The following EVL variants were observed in gnomAD, a reference collection of about 807,000 sequenced individuals.
EVL encodes Enah/Vasp-like, also known as ena/VASP-like protein.
EVL carries 21 observed loss-of-function variants against 59.6 expected under a neutral mutation model. The ratio of observed to expected loss-of-function variants is 0.35; its 90% CI spans 0.25 to 0.51. EVL has a LOEUF of 0.51. EVL is among the 20% of genes least tolerant of loss of function. EVL has a pLI of 0.97. For synonymous variants in EVL, 198 were observed against 203.5 expected, an observed-to-expected ratio of 0.97 and a Z score of 0.23; for missense variants, 462 against 546.6, an observed-to-expected ratio of 0.85 and a Z score of 1.54.
intron 1 of EVL, among the ~76,000 whole-genome samples, chr14:100,074,294 C>T (rs547171636): frequency 5.3e-5 from 8 of 152,262 alleles, no homozygotes; most frequent in African/African-American, 1.7e-4. Context: ...CATGTGGACA[C>T]GGAAGGCAGT....
At chr14:100,043,599 C>T (rs1478212896) in intron 1 of EVL, among the ~76,000 whole-genome samples, 2 of 145,038 alleles carry the variant, frequency 1.4e-5, no homozygotes, top group Non-Finnish European at 3.0e-5. Context: ...TTCACCTTTC[C>T]TCTGCCTTTT....
chr14:100,061,521 T>C (rs1392706822), upstream of EVL, among the ~76,000 whole-genome samples: 2 of 144,382 alleles, frequency 1.4e-5, no homozygotes, highest in African/African-American at 5.2e-5. Flanking sequence ...GGATAAAGAT[T>C]ACCAGAAAAG....
intron 1 of EVL, among the ~76,000 whole-genome samples, chr14:100,068,103 C>A (rs2140274060): frequency 6.6e-6 from 1 of 152,244 alleles, no homozygotes; most frequent in South Asian, 2.1e-4. Context: ...AAACCATCAA[C>A]AAGAGACGTG....
At chr14:100,030,445 C>A (rs1029213624) in intron 1 of EVL, among the ~76,000 whole-genome samples, 2 of 152,124 alleles carry the variant, frequency 1.3e-5, no homozygotes, top group Admixed American at 6.6e-5. Context: ...TAAATTAATT[C>A]TTTTAATTTA....
Position 100,004,840 on chromosome 14 carries a change from CACCTTTTT to C in EVL, c.5+32785_5+32792del, listed in dbSNP as rs1347318492. On this transcript the variant is annotated intron_variant, in intron 1 of 13. Transcript: ENST00000402714. ...AGCTTTGAATTAGACAAAAATTGTT[CACCTTTTT>C]AAAAAGGACACATGTATTTTTTTAG... 2.6e-5 allele frequency among the ~76,000 whole-genome samples: 4 copies of C among 152,230 alleles called. No individual in the cohort carries two copies. In the East Asian group the frequency reaches 7.7e-4, roughly 29 times the overall value.
intron 3 of EVL, among the ~76,000 whole-genome samples, chr14:100,123,149 A>G (rs953810238): frequency 1.3e-5 from 2 of 152,200 alleles, no homozygotes; most frequent in Non-Finnish European, 2.9e-5. Context: ...CGCTGATTTT[A>G]ATTAGAACAT....
At chr14:100,118,929 A>T (rs571828719) in intron 3 of EVL, among the ~76,000 whole-genome samples, 1 of 152,194 alleles carries the variant, frequency 6.6e-6, no homozygotes, top group Non-Finnish European at 1.5e-5. Context: ...CTTCCCAAGA[A>T]TCATCACAGT....
At chr14:100,015,832 A>T (rs2061045588) in intron 1 of EVL, among the ~76,000 whole-genome samples, 1 of 152,184 alleles carries the variant, frequency 6.6e-6, no homozygotes, top group Non-Finnish European at 1.5e-5. Flanking sequence ...GCACTTTGGG[A>T]GGCCAAGGTG....
intron 1 of EVL, chr14:99,975,014 A>ATTC (rs2060760359): frequency 2.7e-5 from 4 of 150,130 alleles, no homozygotes; most frequent in African/African-American, 1.0e-4. Context: ...ATGGGGACCT[A>ATTC]CTCCTTGGCC....
Position 100,097,649 on chromosome 14 carries a change from CAAG to C in EVL, c.353_355del (p.Glu118del). The C allele has an allele frequency of 7.5e-6, 12 of 1,610,258 alleles. No individual in the cohort carries two copies. The highest frequency in any genetic ancestry group is 1.0e-5 in the Non-Finnish European group (12 of 1,178,090). On this transcript the variant is annotated inframe_deletion, in exon 3 of 14. Transcript: ENST00000392920. The stretch of plus-strand genomic sequence containing the variant: ...GTTTGCCCTGAACATCATGAATTCC[CAAG>C]AAGGAGGTAAGTAGGGCTTTGTCTT...
chr14:100,043,293 A>ATGTG (rs577559402), intron 1 of EVL, among the ~76,000 whole-genome samples: 2 of 144,436 alleles, frequency 1.4e-5, no homozygotes, highest in Admixed American at 6.7e-5. Flanking sequence ...GTGTATATAT[A>ATGTG]TGTGTGTGTG....
chr14:100,050,418 C>T (rs2061628836), intron 1 of EVL, among the ~76,000 whole-genome samples: 1 of 150,124 alleles, frequency 6.7e-6, no homozygotes. Context: ...GGCGCGATCT[C>T]GGCTCACTGC....
chr14:100,065,889 C>A (rs187010340), intron 1 of EVL, among the ~76,000 whole-genome samples: 117 of 152,250 alleles, frequency 7.7e-4, no homozygotes, highest in African/African-American at 2.7e-3. Flanking sequence ...TCTAGAATGA[C>A]CCGAGACTGG....
chr14:100,044,572 TAA>T (rs888342088), intron 1 of EVL, among the ~76,000 whole-genome samples: 1 of 152,110 alleles, frequency 6.6e-6, no homozygotes, highest in Admixed American at 6.5e-5. Context: ...GCTCACAGCA[TAA>T]AGACAGACCT....
intron 9 of EVL, chr14:100,137,376 C>G (rs554611989): frequency 3.3e-6 from 2 of 600,378 alleles, no homozygotes; most frequent in African/African-American, 1.9e-5. Flanking sequence ...AACCAGATCA[C>G]AGGTCAGGGT....
In EVL at chr14:100,084,674, T is replaced by G; in HGVS notation, c.12-13T>G. The G allele has an allele frequency of 3.1e-6, 5 of 1,613,022 alleles. No homozygotes were observed. In the East Asian group the frequency reaches 8.9e-5, roughly 29 times the overall value. ...GTAGCTGAGGCTGACACCAGTTTTT[T>G]CTTGCTCGGCAGTGAACAGAGTATC... On this transcript the variant is annotated splice_polypyrimidine_tract_variant and intron_variant, in intron 1 of 13. Coordinates refer to ENST00000392920, the MANE Select transcript of EVL (RefSeq NM_016337.3).
chr14:100,116,991 A>C (rs760957567), intron 3 of EVL, among the ~76,000 whole-genome samples: 19 of 152,216 alleles, frequency 1.2e-4, no homozygotes, highest in Non-Finnish European at 2.4e-4. Flanking sequence ...AGAACCGTCC[A>C]GGAGAGCACA....
chr14:100,117,710 C>T (rs563080702), intron 3 of EVL, among the ~76,000 whole-genome samples: 1 of 152,286 alleles, frequency 6.6e-6, no homozygotes, highest in East Asian at 1.9e-4. Context: ...AATACACACT[C>T]AATAAACTTG....
chr14:99,980,478 C>G (rs1294451326), intron 1 of EVL, among the ~76,000 whole-genome samples: 1 of 152,222 alleles, frequency 6.6e-6, no homozygotes, highest in African/African-American at 2.4e-5. Context: ...GTCAACAGGT[C>G]TGGTTACGAG....
Sources: allele counts gnomAD v4.1 joint callset (sites outside exome capture counted in the v4.1 genomes callset), GRCh38; gene constraint gnomAD v4.1.1; transcripts MANE v1.5; gene names NCBI Gene and HGNC (gene_info 2026-07-23, HGNC 2026-07-21).